ZMYM2: variants seen among roughly 807,000 people sequenced by gnomAD.
ZMYM2 encodes zinc finger MYM-type protein 2.
Under a neutral mutation model 162.8 loss-of-function variants are expected in ZMYM2, and 56 were observed. The observed-to-expected ratio is 0.34, with a 90% confidence interval of 0.28 to 0.43. ZMYM2 has a LOEUF of 0.43. Ranked by LOEUF, ZMYM2 falls within the 20% of genes least tolerant of loss-of-function variation. ZMYM2 has a pLI of 1.00. For synonymous variants in ZMYM2, 510 were observed against 541.6 expected (o/e 0.94, Z 0.81); for missense variants, 1,275 against 1,621.8 (o/e 0.79, Z 3.67).
chr13:20,062,795 C>G (rs1013190566), intron 17 of ZMYM2, 51 bp from the exon 18 acceptor site: 1 of 1,474,974 alleles, frequency 6.8e-7, no homozygotes, highest in African/African-American at 1.4e-5. Context: ...AATACAGATA[C>G]CATTGGGGTT....
intron 2 of ZMYM2, among the ~76,000 whole-genome samples, chr13:19,980,350 C>T (rs796195979): frequency 1.3e-5 from 2 of 152,144 alleles, no homozygotes; most frequent in South Asian, 4.1e-4. Context: ...CTGTTTCAGA[C>T]TTTTTTTGTC....
chr13:20,005,815 A>C (rs1362188901), intron 5 of ZMYM2, among the ~76,000 whole-genome samples: 1 of 152,062 alleles, frequency 6.6e-6, no homozygotes, highest in Non-Finnish European at 1.5e-5. Flanking sequence ...CACTACCCAA[A>C]CTTGGTTTTC....
At chr13:19,870,546 T>C in the ZMYM2 span, among the ~76,000 whole-genome samples, 54,241 of 105,482 alleles carry the variant, frequency 0.51, 13,494 homozygotes, top group East Asian at 0.8. Context: ...TCTCTTTCTT[T>C]CTTTCTTCCT....
the ZMYM2 span, among the ~76,000 whole-genome samples, chr13:19,880,930 C>G: frequency 2.6e-5 from 4 of 151,506 alleles, no homozygotes; most frequent in Admixed American, 6.6e-5. Flanking sequence ...GCTTCATTAC[C>G]CAGGCTGGAG....
the ZMYM2 span, among the ~76,000 whole-genome samples, chr13:19,927,310 A>C: frequency 6.6e-6 from 1 of 152,188 alleles, no homozygotes; most frequent in Non-Finnish European, 1.5e-5. Flanking sequence ...CAATTTGCCC[A>C]CTAGAGGTAG....
intron 7 of ZMYM2, among the ~76,000 whole-genome samples, chr13:20,020,306 C>T (rs1951967233): frequency 6.6e-6 from 1 of 150,692 alleles, no homozygotes; most frequent in South Asian, 2.1e-4. Flanking sequence ...ACCATCTCGG[C>T]TCACCGCAAC....
chr13:19,924,499 C>T, the ZMYM2 span, among the ~76,000 whole-genome samples: 41,315 of 151,938 alleles, frequency 0.27, 5,765 homozygotes, highest in Admixed American at 0.32. Context: ...GTGCAGGAGG[C>T]GGAGGCTGCA....
intron 16 of ZMYM2, among the ~76,000 whole-genome samples, chr13:20,059,766 A>G (rs1956094438): frequency 6.6e-6 from 1 of 151,970 alleles, no homozygotes; most frequent in Non-Finnish European, 1.5e-5. Flanking sequence ...CTGAAAATAC[A>G]GTATTCTGCC....
At chr13:19,934,771 CT>C in the ZMYM2 span, among the ~76,000 whole-genome samples, 1 of 44,198 alleles carries the variant, frequency 2.3e-5, no homozygotes, top group African/African-American at 4.4e-5. Context: ...TTCTTTCTTT[CT>C]TTTTTTTTTT....
Position 20,052,305 on chromosome 13 carries a change from AATGAC to A in ZMYM2, c.2489_2493del (p.Met830ArgfsTer11). 6.4e-7 allele frequency: 1 copy of A among 1,571,244 alleles called. No individual in the cohort carries two copies. The highest frequency in any genetic ancestry group is 1.3e-5 in the African/African-American group (1 of 74,216). On this transcript the variant is annotated frameshift_variant and splice_region_variant, in exon 14 of 25. Transcript: ENST00000610343. LOFTEE classifies it high-confidence loss of function. ...AGGGTTGTCAGACATCTCGAACCAA[AATGAC>A]AGTAAGTATTGGTGAAATGGAGTGC... is the stretch of plus-strand genomic sequence containing the variant.
the ZMYM2 span, among the ~76,000 whole-genome samples, chr13:19,890,466 C>T: frequency 3.2e-5 from 4 of 123,794 alleles, no homozygotes; most frequent in Admixed American, 1.0e-4. Context: ...TAGTTCACTG[C>T]CCTAAGATAT....
At chr13:19,903,412 G>A in the ZMYM2 span, among the ~76,000 whole-genome samples, 1 of 149,336 alleles carries the variant, frequency 6.7e-6, no homozygotes, top group Non-Finnish European at 1.5e-5. Context: ...GGCTGAGGCG[G>A]GCGGATCACG....
upstream of ZMYM2, among the ~76,000 whole-genome samples, chr13:19,954,329 C>T (rs549244705): frequency 7.3e-5 from 11 of 151,178 alleles, no homozygotes; most frequent in African/African-American, 1.5e-4. Flanking sequence ...GGGGTTTCAC[C>T]GTGGTCTCGA....
chr13:20,081,080 G>T (rs939325822), intron 21 of ZMYM2, among the ~76,000 whole-genome samples: 1 of 152,112 alleles, frequency 6.6e-6, no homozygotes, highest in African/African-American at 2.4e-5. Flanking sequence ...TATCCTTCTG[G>T]TTGTTTTGTA....
intron 23 of ZMYM2, among the ~76,000 whole-genome samples, chr13:20,083,395 A>G (rs1161561529): frequency 6.6e-6 from 1 of 152,222 alleles, no homozygotes; most frequent in African/African-American, 2.4e-5. Flanking sequence ...TATGGTAGGG[A>G]TATCCAAACC....
In ZMYM2 at chr13:19,987,620, C is replaced by CGTGTGTGTGTGT. The variant is rs756005409; in HGVS notation, c.-10-5416_-10-5405dup. On this transcript the variant is annotated intron_variant, in intron 2 of 24. Coordinates refer to ENST00000610343, the MANE Select transcript of ZMYM2 (RefSeq NM_197968.4). ...GTGTATAGGAAAGATGGGGTTTTGTCGTGTGTGTGTGTGTGTGTGTGTGTG... is the reference window on the plus strand; with the variant it reads ...GTGTATAGGAAAGATGGGGTTTTGTCGTGTGTGTGTGTGTGTGTGTGTGTGTGTGTGTGTGTG... Among the ~76,000 whole-genome samples, 382 of 121,352 alleles carry CGTGTGTGTGTGT rather than the reference C, an allele frequency of 3.1e-3. 8 individuals carry two copies. Among genetic ancestry groups the CGTGTGTGTGTGT allele is most frequent in the African/African-American group, 5.3e-3 (160 of 30,184 alleles). 79.6% of individuals were successfully genotyped at this position (121,352 alleles called of 152,430 possible).
At chr13:19,885,902 T>TATGTGTGTATACAC in the ZMYM2 span, among the ~76,000 whole-genome samples, 35 of 32,012 alleles carry the variant, frequency 1.1e-3, 10 homozygotes, top group East Asian at 0.035. Context: ...TGTATACACA[T>TATGTGTGTATACAC]ATATATGTAT....
At chr13:19,951,064 G>A in the ZMYM2 span, among the ~76,000 whole-genome samples, 4 of 152,140 alleles carry the variant, frequency 2.6e-5, no homozygotes, top group East Asian at 7.7e-4. Context: ...TATCATTAGT[G>A]TATTTTATGT....
intron 2 of ZMYM2, among the ~76,000 whole-genome samples, chr13:19,987,268 A>T (rs999131820): frequency 4.0e-5 from 6 of 149,154 alleles, no homozygotes. Flanking sequence ...TGCAGCTCTT[A>T]TTTTTTTTTT....
Sources: allele counts gnomAD v4.1 joint callset (sites outside exome capture counted in the v4.1 genomes callset), GRCh38; gene constraint gnomAD v4.1.1; transcripts MANE v1.5; gene names NCBI Gene and HGNC (gene_info 2026-07-23, HGNC 2026-07-21).